The following GABRG3 variants were observed in gnomAD, a reference collection of about 807,000 sequenced individuals.
GABRG3 encodes the protein gamma-aminobutyric acid type A receptor subunit gamma3.
GABRG3 carries 25 observed loss-of-function variants against 48.8 expected under a neutral mutation model. The ratio of observed to expected loss-of-function variants is 0.51; its 90% CI spans 0.37 to 0.72. The LOEUF is 0.72. Ranked by LOEUF, GABRG3 falls within the 30% of genes least tolerant of loss-of-function variation. GABRG3 has a pLI of 0.00. For synonymous variants in GABRG3, 227 were observed against 217.6 expected, an observed-to-expected ratio of 1.04 and a Z score of -0.38; for missense variants, 394 against 577.9, an observed-to-expected ratio of 0.68 and a Z score of 3.26.
intron 5 of GABRG3, among the ~76,000 whole-genome samples, chr15:27,330,102 G>A (rs975850197): frequency 3.0e-4 from 45 of 152,230 alleles, no homozygotes; most frequent in Admixed American, 2.0e-4. Context: ...TTAGCTGAGC[G>A]TGGTGGCAGG....
intron 5 of GABRG3, among the ~76,000 whole-genome samples, chr15:27,420,465 A>G (rs1888078161): frequency 6.6e-6 from 1 of 152,212 alleles, no homozygotes; most frequent in African/African-American, 2.4e-5. Flanking sequence ...CGTTCTGGAC[A>G]CCCAGTGACT....
chr15:27,472,464 T>A (rs965251832), intron 5 of GABRG3, among the ~76,000 whole-genome samples: 4 of 152,036 alleles, frequency 2.6e-5, no homozygotes, highest in African/African-American at 9.7e-5. Flanking sequence ...TTAGTGGAGA[T>A]GGTGTTTCAC....
chr15:27,107,425 A>G (rs1471521001), intron 3 of GABRG3, among the ~76,000 whole-genome samples: 3 of 152,028 alleles, frequency 2.0e-5, no homozygotes, highest in South Asian at 2.1e-4. Flanking sequence ...GATGACATTT[A>G]TGTATTCCTA....
chr15:27,009,445 A>T (rs536609875), intron 2 of GABRG3, among the ~76,000 whole-genome samples: 95 of 152,332 alleles, frequency 6.2e-4, no homozygotes, highest in African/African-American at 2.1e-3. Context: ...ACATATTTAC[A>T]TATTTAGATA....
At chr15:27,183,421 G>A (rs1284110274) in intron 3 of GABRG3, among the ~76,000 whole-genome samples, 1 of 152,106 alleles carries the variant, frequency 6.6e-6, no homozygotes, top group African/African-American at 2.4e-5. Flanking sequence ...CAGCTGCGTC[G>A]GGAGCTGATT....
chr15:27,293,562 G>C (rs1000170131), intron 3 of GABRG3, among the ~76,000 whole-genome samples: 4 of 152,010 alleles, frequency 2.6e-5, no homozygotes, highest in Admixed American at 2.0e-4. Context: ...TGTAATCCCA[G>C]CTACTTGGGA....
intron 3 of GABRG3, among the ~76,000 whole-genome samples, chr15:27,255,884 A>ATGTGTT (rs143374417): frequency 0.03 from 4,566 of 151,700 alleles, 212 homozygotes; most frequent in African/African-American, 0.11. Flanking sequence ...CGGGAAGAGC[A>ATGTGTT]TGTGTTTAGT....
At chr15:27,020,383 C>T (rs1358486852) in intron 2 of GABRG3, among the ~76,000 whole-genome samples, 1 of 152,174 alleles carries the variant, frequency 6.6e-6, no homozygotes, top group Non-Finnish European at 1.5e-5. Flanking sequence ...TCCTGTAGCT[C>T]TTCTGTTGGA....
intron 3 of GABRG3, among the ~76,000 whole-genome samples, chr15:27,108,847 T>C (rs1008119820): frequency 6.6e-6 from 1 of 152,194 alleles, no homozygotes; most frequent in African/African-American, 2.4e-5. Context: ...CTAATAATTT[T>C]TTTTGTTCTG....
rs529776201 is a variant in GABRG3 at position 26,988,735 on chromosome 15, CCTTT to C, written c.202+11586_202+11589del. Among the ~76,000 whole-genome samples, 287 of 151,704 alleles carry C rather than the reference CCTTT, an allele frequency of 1.9e-3. 1 individual carries two copies. The highest frequency in any genetic ancestry group is 6.5e-3 in the African/African-American group (267 of 41,380). ...TTTCCCCTCTTTTTATGATTGTCTT[CCTTT>C]ATTTTCCTAATTAGCCGTAACTACA... On this transcript the variant is annotated intron_variant, in intron 2 of 9. Transcript: ENST00000615808.
intron 3 of GABRG3, among the ~76,000 whole-genome samples, chr15:27,150,214 A>C (rs918892920): frequency 4.6e-5 from 7 of 152,098 alleles, no homozygotes; most frequent in African/African-American, 1.7e-4. Context: ...AAAGTGATAT[A>C]TTTTTAAATA....
intron 3 of GABRG3, among the ~76,000 whole-genome samples, chr15:27,077,582 A>G (rs1896929782): frequency 6.6e-6 from 1 of 152,194 alleles, no homozygotes; most frequent in South Asian, 2.1e-4. Flanking sequence ...GCCAGCAGGA[A>G]AAGGAACATC....
chr15:27,211,373 A>G (rs1263574057), intron 3 of GABRG3, among the ~76,000 whole-genome samples: 2 of 151,852 alleles, frequency 1.3e-5, no homozygotes, highest in African/African-American at 4.8e-5. Flanking sequence ...GTAAGAGAGA[A>G]GGACTGCTTA....
chr15:27,046,356 G>A (rs1449184129), intron 3 of GABRG3, among the ~76,000 whole-genome samples: 6 of 151,922 alleles, frequency 3.9e-5, no homozygotes, highest in South Asian at 2.1e-4. Context: ...CACCTGCCTC[G>A]GTCTCCCAAA....
At chr15:27,043,098 C>T (rs1365866164) in intron 3 of GABRG3, among the ~76,000 whole-genome samples, 7 of 152,180 alleles carry the variant, frequency 4.6e-5, no homozygotes, top group Non-Finnish European at 8.8e-5. Context: ...GAATCTCTTC[C>T]CCCCACCCCA....
At chr15:27,248,797 C>A (rs935967440) in intron 3 of GABRG3, among the ~76,000 whole-genome samples, 1 of 112,086 alleles carries the variant, frequency 8.9e-6, no homozygotes, top group African/African-American at 4.0e-5. Context: ...CACACACACA[C>A]ACACACAGAG....
intron 3 of GABRG3, among the ~76,000 whole-genome samples, chr15:27,084,639 G>C (rs537974639): frequency 2.9e-4 from 44 of 152,344 alleles, no homozygotes; most frequent in African/African-American, 1.0e-3. Context: ...ATAGTCAGTA[G>C]TTAACTAAGT....
chr15:27,359,243 G>T (rs1595702754), intron 5 of GABRG3, among the ~76,000 whole-genome samples: 1 of 152,232 alleles, frequency 6.6e-6, no homozygotes, highest in African/African-American at 2.4e-5. Flanking sequence ...TCCCCGCTAC[G>T]GTGGGGAGAC....
At position 27,405,824 on chromosome 15, in the gene GABRG3, C is replaced by G. The variant is rs190501584; in HGVS notation, c.575-74826C>G. Among the ~76,000 whole-genome samples the G allele has an allele frequency of 3.3e-5, 5 of 149,912 alleles. No homozygotes were observed. The East Asian group carries it at 7.9e-4, about 24-fold the overall frequency. ...TTTCTAATAAAATAAACTGGGACTC[C>G]TTTAAGAAATGGCTGATTCTAGGAC... On this transcript the variant is annotated intron_variant, in intron 5 of 9. Transcript: ENST00000615808.
Sources: allele counts gnomAD v4.1 joint callset (sites outside exome capture counted in the v4.1 genomes callset), GRCh38; gene constraint gnomAD v4.1.1; transcripts MANE v1.5; gene names NCBI Gene and HGNC (gene_info 2026-07-23, HGNC 2026-07-21).